The following ZBTB7C variants were observed in gnomAD, a reference collection of about 807,000 sequenced individuals.
The protein encoded by ZBTB7C is zinc finger and BTB domain-containing protein 7C.
ZBTB7C carries 8 observed loss-of-function variants against 25.7 expected under a neutral mutation model. The observed-to-expected ratio is 0.31, with a 90% confidence interval of 0.18 to 0.56. The LOEUF is 0.56. ZBTB7C is among the 20% of genes least tolerant of loss of function. The pLI is 0.91. For missense variants in ZBTB7C, 824 were observed against 855.2 expected (o/e 0.96, Z 0.46); for synonymous variants, 394 against 369.0 (o/e 1.07, Z -0.78).
At chr18:48,109,283 G>A (rs1334113838) in intron 3 of ZBTB7C, among the ~76,000 whole-genome samples, 4 of 152,100 alleles carry the variant, frequency 2.6e-5, no homozygotes, top group African/African-American at 9.7e-5. Context: ...CCCTGCCTTC[G>A]GGTTCCCAAT....
intron 3 of ZBTB7C, among the ~76,000 whole-genome samples, chr18:48,151,089 G>T (rs955382747): frequency 6.6e-6 from 1 of 152,200 alleles, no homozygotes; most frequent in Non-Finnish European, 1.5e-5. Context: ...GATCGGTGTG[G>T]CCTTGCTGGT....
chr18:48,331,553 G>A (rs2046342559), intron 2 of ZBTB7C, among the ~76,000 whole-genome samples: 1 of 152,178 alleles, frequency 6.6e-6, no homozygotes. Context: ...GGGGCACACT[G>A]CATTACGATA....
At chr18:48,340,565 G>A (rs2187430) in intron 1 of ZBTB7C, among the ~76,000 whole-genome samples, 120,182 of 152,100 alleles carry the variant, frequency 0.79, 47,756 homozygotes, top group Admixed American at 0.86. Flanking sequence ...TTAAGAAGCC[G>A]GTCACCATCC....
At chr18:48,169,892 A>G (rs2041409744) in intron 3 of ZBTB7C, 1 of 152,388 alleles carries the variant, frequency 6.6e-6, no homozygotes, top group Non-Finnish European at 1.5e-5. Flanking sequence ...AGCAAGCACA[A>G]AAGTATCCCA....
chr18:48,137,020 G>A (rs1438041612), intron 3 of ZBTB7C: 14 of 985,172 alleles, frequency 1.4e-5, no homozygotes, highest in Non-Finnish European at 1.7e-5. Context: ...GCCGCCCCGG[G>A]GACGCCGCGC....
chr18:48,392,257 A>C (rs1041385720), intron 1 of ZBTB7C, among the ~76,000 whole-genome samples: 1 of 152,238 alleles, frequency 6.6e-6, no homozygotes, highest in Admixed American at 6.5e-5. Flanking sequence ...ATCTACACAC[A>C]ATTGATTTCT....
intron 1 of ZBTB7C, among the ~76,000 whole-genome samples, chr18:48,377,477 GA>G (rs997479292): frequency 3.7e-4 from 57 of 152,178 alleles, no homozygotes; most frequent in Non-Finnish European, 6.9e-4. Context: ...ACAAATAAGA[GA>G]AAACATGTCT....
rs1342727258 is a variant in ZBTB7C, at chr18:48,409,221, C to G, written c.-304+5G>C. 2 of 149,978 alleles carry G rather than the reference C, an allele frequency of 1.3e-5. No individual in the cohort carries two copies. The highest frequency in any genetic ancestry group is 3.0e-5 in the Non-Finnish European group (2 of 67,232). The allele number at this position is 149,978 out of a possible 1,614,324, so 9.3% of individuals were successfully genotyped here. On this transcript the variant is annotated splice_donor_5th_base_variant and intron_variant, in intron 1 of 4. Coordinates refer to ENST00000590800, the MANE Select transcript of ZBTB7C (RefSeq NM_001318841.2). ...CGCCCGAGCCCGGCGCGCGAAGCCG[C>G]TCACCTCCGCGCGCCGCCGGCCCTG...
At chr18:48,054,367 C>T (rs2036827555) in intron 3 of ZBTB7C, among the ~76,000 whole-genome samples, 1 of 152,184 alleles carries the variant, frequency 6.6e-6, no homozygotes. Context: ...CCTTCTCTAC[C>T]CCAGACCTCC....
chr18:48,171,067 T>C (rs2041460706), intron 3 of ZBTB7C, among the ~76,000 whole-genome samples: 1 of 152,196 alleles, frequency 6.6e-6, no homozygotes, highest in African/African-American at 2.4e-5. Context: ...CTAAGGTTGG[T>C]AGGTCCCAAT....
rs185651743 is a variant in ZBTB7C at position 48,043,759 on chromosome 18, T to C, written c.-16-2636A>G. Among the ~76,000 whole-genome samples, 314 of 152,346 alleles carry C rather than the reference T, an allele frequency of 2.1e-3. 4 individuals are homozygous for C. The highest frequency in any genetic ancestry group is 0.012 in the South Asian group (57 of 4,828). On this transcript the variant is annotated intron_variant, in intron 3 of 4. Transcript: ENST00000590800. The stretch of plus-strand genomic sequence containing the variant: ...GCGTAAAGGGTACATGAGATGTCTC[T>C]GTATCATCTCTTACAACTGTAGCTG...
At chr18:48,084,212 G>T (rs984346398) in intron 3 of ZBTB7C, among the ~76,000 whole-genome samples, 4 of 152,196 alleles carry the variant, frequency 2.6e-5, no homozygotes, top group Non-Finnish European at 4.4e-5. Flanking sequence ...GCCTTCCGAG[G>T]CCTCACCCTG....
chr18:48,036,460 C>G (rs2035974753), intron 4 of ZBTB7C, among the ~76,000 whole-genome samples: 2 of 152,104 alleles, frequency 1.3e-5, no homozygotes, highest in African/African-American at 4.8e-5. Context: ...GCAGGCCTCT[C>G]CAGCACCCCA....
At chr18:48,213,667 C>A (rs188134202) in intron 2 of ZBTB7C, among the ~76,000 whole-genome samples, 95 of 152,328 alleles carry the variant, frequency 6.2e-4, no homozygotes, top group African/African-American at 2.2e-3. Context: ...TGGGCACAGA[C>A]AGCATGTGCT....
chr18:48,383,339 C>T (rs1354653011), intron 1 of ZBTB7C, among the ~76,000 whole-genome samples: 2 of 152,176 alleles, frequency 1.3e-5, no homozygotes, highest in African/African-American at 2.4e-5. Flanking sequence ...GAACTCGGCT[C>T]ACTGCAGCCT....
intron 2 of ZBTB7C, among the ~76,000 whole-genome samples, chr18:48,242,977 G>C (rs970733820): frequency 1.3e-5 from 2 of 152,058 alleles, no homozygotes; most frequent in African/African-American, 4.8e-5. Flanking sequence ...AAAGCTCCTA[G>C]ATCTGGCTGG....
chr18:48,230,771 C>T (rs776132009), intron 2 of ZBTB7C, among the ~76,000 whole-genome samples: 4 of 152,150 alleles, frequency 2.6e-5, no homozygotes, highest in Non-Finnish European at 4.4e-5. Flanking sequence ...ACAAACACTG[C>T]TAGGGGAAGG....
At chr18:48,093,120 G>C (rs913216093) in intron 3 of ZBTB7C, among the ~76,000 whole-genome samples, 3 of 152,224 alleles carry the variant, frequency 2.0e-5, no homozygotes, top group Admixed American at 2.0e-4. Context: ...GTAGAAGAGG[G>C]GAGACTGTAT....
intron 3 of ZBTB7C, among the ~76,000 whole-genome samples, chr18:48,121,415 A>T (rs899685741): frequency 4.7e-5 from 7 of 150,238 alleles, no homozygotes; most frequent in African/African-American, 7.4e-5. Flanking sequence ...TTTTTTTTTA[A>T]AAAAATGCAC....
Sources: gnomAD v4.1 joint callset for allele counts (sites outside exome capture counted in the v4.1 genomes callset) on GRCh38, gnomAD v4.1.1 for gene constraint, MANE v1.5 for transcripts, NCBI Gene and HGNC (gene_info 2026-07-23, HGNC 2026-07-21) for gene names.